The following MACROD2 variants were observed in gnomAD, a reference collection of about 807,000 sequenced individuals.
MACROD2 encodes ADP-ribose glycohydrolase MACROD2.
In MACROD2, 36 loss-of-function variants were observed where a neutral mutation model predicts 70.4. The observed-to-expected ratio is 0.51, with a 90% confidence interval of 0.39 to 0.68. MACROD2 has a LOEUF of 0.68. MACROD2 is among the 30% of genes least tolerant of loss of function. The pLI, the probability that MACROD2 is intolerant of heterozygous loss-of-function variation, is 0.00. For synonymous variants in MACROD2, 172 were observed against 178.8 expected (o/e 0.96, Z 0.30); for missense variants, 496 against 538.4 (o/e 0.92, Z 0.78).
intron 3 of MACROD2, among the ~76,000 whole-genome samples, chr20:14,301,505 C>A (rs373030171): frequency 2.1e-4 from 32 of 152,190 alleles, no homozygotes; most frequent in African/African-American, 7.5e-4. Context: ...CCTTTCATGT[C>A]TATGAACCAC....
intron 5 of MACROD2, among the ~76,000 whole-genome samples, chr20:15,133,270 TA>T (rs1212949452): frequency 2.0e-5 from 3 of 152,046 alleles, no homozygotes; most frequent in African/African-American, 7.2e-5. Flanking sequence ...AGACTAATGA[TA>T]GACTGGAGAA....
At chr20:14,410,713 C>T (rs1335565767) in intron 3 of MACROD2, among the ~76,000 whole-genome samples, 2 of 152,110 alleles carry the variant, frequency 1.3e-5, no homozygotes, top group Admixed American at 6.5e-5. Context: ...GCTGTAGGTT[C>T]CTTAGCAGGA....
chr20:15,394,121 T>C (rs2045829668), intron 6 of MACROD2, among the ~76,000 whole-genome samples: 1 of 152,182 alleles, frequency 6.6e-6, no homozygotes, highest in South Asian at 2.1e-4. Flanking sequence ...ACTAAATAAA[T>C]GCAAGATGGA....
intron 6 of MACROD2, among the ~76,000 whole-genome samples, chr20:15,295,172 A>G (rs182787350): frequency 1.3e-5 from 2 of 152,312 alleles, no homozygotes; most frequent in East Asian, 3.9e-4. Context: ...GCCTGCTGCC[A>G]TGTGAGACAT....
rs546680861 is a variant in MACROD2 at position 15,350,263 on chromosome 20, C to T, written c.541-81142C>T. On this transcript the variant is annotated intron_variant, in intron 6 of 17. Transcript: ENST00000684519. ...CAGTGATCATAATGATAATGTTGTTCACAGGCACCCTGTAAGACCTCATTT... is the reference window on the plus strand; with the variant it reads ...CAGTGATCATAATGATAATGTTGTTTACAGGCACCCTGTAAGACCTCATTT... 2.0e-5 allele frequency among the ~76,000 whole-genome samples: 3 copies of T among 152,272 alleles called. No individual in the cohort carries two copies. The South Asian group carries it at 6.2e-4, about 32-fold the overall frequency.
At chr20:15,025,633 G>A (rs1417805562) in intron 5 of MACROD2, among the ~76,000 whole-genome samples, 1 of 152,102 alleles carries the variant, frequency 6.6e-6, no homozygotes, top group Non-Finnish European at 1.5e-5. Flanking sequence ...CTATTCCAAA[G>A]ATCTGTACAG....
chr20:14,675,857 T>C (rs1370564768), intron 4 of MACROD2, among the ~76,000 whole-genome samples: 1 of 152,014 alleles, frequency 6.6e-6, no homozygotes, highest in East Asian at 1.9e-4. Flanking sequence ...GAGGAAGATT[T>C]ACCAAACAAA....
At chr20:14,654,989 A>G (rs1985891623) in intron 4 of MACROD2, among the ~76,000 whole-genome samples, 1 of 152,196 alleles carries the variant, frequency 6.6e-6, no homozygotes, top group East Asian at 1.9e-4. Flanking sequence ...ACAGAAAGCA[A>G]TTACTAGGAT....
intron 5 of MACROD2, among the ~76,000 whole-genome samples, chr20:14,806,060 G>T (rs953045319): frequency 6.6e-6 from 1 of 151,618 alleles, no homozygotes; most frequent in Non-Finnish European, 1.5e-5. Flanking sequence ...CTCACTAAAA[G>T]ATAGCTGTCA....
rs1322022387 is a variant in MACROD2 at position 14,485,569 on chromosome 20, CA to C, written c.272-7909del. On this transcript the variant is annotated intron_variant, in intron 3 of 17. Transcript: ENST00000684519. ...ACAAAAAATTAGCCGGGCGTGGTGGCAGGCACCTGTAGTCCCAGCTACTTGG... is the reference window on the plus strand; with the variant it reads ...ACAAAAAATTAGCCGGGCGTGGTGGCGGCACCTGTAGTCCCAGCTACTTGG... Among the ~76,000 whole-genome samples, 8 of 151,984 alleles carry C rather than the reference CA, an allele frequency of 5.3e-5. No individual in the cohort carries two copies. In the South Asian group the frequency reaches 6.2e-4, roughly 12 times the overall value.
intron 6 of MACROD2, among the ~76,000 whole-genome samples, chr20:15,277,139 A>G (rs2077400620): frequency 6.6e-6 from 1 of 152,200 alleles, no homozygotes; most frequent in African/African-American, 2.4e-5. Flanking sequence ...TGCCCCTGGC[A>G]ACCATCCCAT....
intron 6 of MACROD2, among the ~76,000 whole-genome samples, chr20:15,234,028 T>A (rs1337603609): frequency 1.4e-4 from 3 of 21,934 alleles, no homozygotes; most frequent in Non-Finnish European, 2.7e-4. Flanking sequence ...TTTTTTTTTT[T>A]TTTTTTTTTT....
chr20:14,960,264 AT>A (rs1329758301), intron 5 of MACROD2, among the ~76,000 whole-genome samples: 2 of 152,108 alleles, frequency 1.3e-5, no homozygotes, highest in Non-Finnish European at 2.9e-5. Flanking sequence ...TATTCAGCAC[AT>A]GTTGAAATGA....
chr20:14,155,478 T>C (rs2055090048), intron 3 of MACROD2, among the ~76,000 whole-genome samples: 1 of 152,200 alleles, frequency 6.6e-6, no homozygotes, highest in Non-Finnish European at 1.5e-5. Context: ...ATGTCACAAA[T>C]TTCAAAACTT....
intron 4 of MACROD2, among the ~76,000 whole-genome samples, chr20:14,582,646 G>A (rs1253748066): frequency 6.6e-6 from 1 of 152,132 alleles, no homozygotes; most frequent in African/African-American, 2.4e-5. Context: ...GGAAAGGCAA[G>A]CACTTTACAG....
At chr20:15,158,991 A>G (rs1000554033) in intron 5 of MACROD2, among the ~76,000 whole-genome samples, 7 of 152,092 alleles carry the variant, frequency 4.6e-5, no homozygotes, top group African/African-American at 1.2e-4. Flanking sequence ...CCTCAAATGC[A>G]TAGGCCAGTA....
At chr20:14,233,308 A>T (rs1401323435) in intron 3 of MACROD2, among the ~76,000 whole-genome samples, 1 of 152,214 alleles carries the variant, frequency 6.6e-6, no homozygotes, top group Non-Finnish European at 1.5e-5. Flanking sequence ...GCGTTGCCAC[A>T]GACCTTCAAT....
chr20:14,471,200 C>T (rs570520389), intron 3 of MACROD2, among the ~76,000 whole-genome samples: 2 of 152,276 alleles, frequency 1.3e-5, no homozygotes, highest in South Asian at 4.1e-4. Context: ...CCTTGGGCTT[C>T]CCGGATGAGG....
chr20:14,405,230 G>A (rs993352079), intron 3 of MACROD2, among the ~76,000 whole-genome samples: 1 of 152,054 alleles, frequency 6.6e-6, no homozygotes, highest in East Asian at 1.9e-4. Context: ...TTGAGTGATC[G>A]GTTAGCATTT....
Sources: gnomAD v4.1 joint callset for allele counts (sites outside exome capture counted in the v4.1 genomes callset) on GRCh38, gnomAD v4.1.1 for gene constraint, MANE v1.5 for transcripts, NCBI Gene and HGNC (gene_info 2026-07-23, HGNC 2026-07-21) for gene names.